Variants in HS3ST4 observed in about 807,000 individuals in gnomAD.
The protein encoded by HS3ST4 is heparan sulfate glucosamine 3-O-sulfotransferase 4.
A neutral mutation model predicts 29.2 loss-of-function variants in HS3ST4; 17 were observed. That is an observed-to-expected ratio of 0.58 (90% CI 0.40 to 0.87). HS3ST4 has a LOEUF of 0.87. HS3ST4 is among the 40% of genes least tolerant of loss of function. The probability of loss-of-function intolerance (pLI) is 0.00; values close to 1 mark genes in which losing one functional copy is unlikely to be tolerated. For synonymous variants in HS3ST4, 314 were observed against 285.7 expected (o/e 1.10, Z -1.00); for missense variants, 627 against 634.5 (o/e 0.99, Z 0.13).
intron 1 of HS3ST4, among the ~76,000 whole-genome samples, chr16:25,921,921 AT>A (rs1011742244): frequency 1.3e-3 from 190 of 151,726 alleles, no homozygotes; most frequent in African/African-American, 4.4e-3. Context: ...TGCCTGGCTA[AT>A]TTTTGTATTT....
At chr16:26,040,655 C>G (rs1323761996) in intron 1 of HS3ST4, among the ~76,000 whole-genome samples, 1 of 149,544 alleles carries the variant, frequency 6.7e-6, no homozygotes, top group Admixed American at 6.7e-5. Flanking sequence ...ACTGTGAACA[C>G]TTGTGGGGTG....
At chr16:26,111,012 G>A (rs75941632) in intron 1 of HS3ST4, among the ~76,000 whole-genome samples, 2,396 of 151,954 alleles carry the variant, frequency 0.016, 55 homozygotes, top group African/African-American at 0.052. Context: ...GTGTGCACGC[G>A]TTTGGGGTAC....
At chr16:25,987,846 C>T (rs1969078814) in intron 1 of HS3ST4, among the ~76,000 whole-genome samples, 1 of 152,170 alleles carries the variant, frequency 6.6e-6, no homozygotes, top group Non-Finnish European at 1.5e-5. Context: ...TCCCGGCTCA[C>T]TGCAACTTCT....
intron 1 of HS3ST4, among the ~76,000 whole-genome samples, chr16:25,757,592 AAT>A (rs1253832053): frequency 6.7e-6 from 1 of 148,766 alleles, no homozygotes; most frequent in African/African-American, 2.4e-5. Flanking sequence ...TATATTATAT[AAT>A]ATATATAATA....
At chr16:25,924,115 C>A (rs1477227149) in intron 1 of HS3ST4, among the ~76,000 whole-genome samples, 1 of 152,152 alleles carries the variant, frequency 6.6e-6, no homozygotes, top group East Asian at 1.9e-4. Flanking sequence ...CAACTGAGCC[C>A]ACTATCTGGC....
intron 1 of HS3ST4, among the ~76,000 whole-genome samples, chr16:25,753,509 C>G (rs1420557783): frequency 6.6e-6 from 1 of 151,638 alleles, no homozygotes; most frequent in African/African-American, 2.4e-5. Context: ...GCATGATTAT[C>G]TCATTTATTC....
chr16:25,784,370 A>G (rs752281578), intron 1 of HS3ST4, among the ~76,000 whole-genome samples: 1 of 152,198 alleles, frequency 6.6e-6, no homozygotes, highest in Non-Finnish European at 1.5e-5. Context: ...TCAGTGAGAA[A>G]CGCATGTCTG....
chr16:26,095,395 A>T (rs1898909725), intron 1 of HS3ST4, among the ~76,000 whole-genome samples: 1 of 152,214 alleles, frequency 6.6e-6, no homozygotes, highest in African/African-American at 2.4e-5. Context: ...ATGTAAAAGA[A>T]CAGAAATCAC....
intron 1 of HS3ST4, among the ~76,000 whole-genome samples, chr16:25,889,323 A>G (rs991500561): frequency 4.6e-5 from 7 of 152,180 alleles, no homozygotes; most frequent in Non-Finnish European, 8.8e-5. Flanking sequence ...CTGGAGAACA[A>G]GAAAGTCGGG....
intron 1 of HS3ST4, among the ~76,000 whole-genome samples, chr16:26,058,214 G>A (rs143468214): frequency 5.8e-4 from 89 of 152,300 alleles, no homozygotes; most frequent in Non-Finnish European, 1.1e-3. Context: ...CTCATCTGTT[G>A]GAGAAAGGGG....
intron 1 of HS3ST4, among the ~76,000 whole-genome samples, chr16:26,010,055 A>T (rs1969296613): frequency 2.0e-5 from 3 of 152,196 alleles, no homozygotes; most frequent in Admixed American, 2.0e-4. Flanking sequence ...GGCCAGGCCT[A>T]AGTCTAAGCA....
chr16:25,922,965 C>A (rs1174552902), intron 1 of HS3ST4, among the ~76,000 whole-genome samples: 1 of 152,162 alleles, frequency 6.6e-6, no homozygotes, highest in Non-Finnish European at 1.5e-5. Flanking sequence ...TCTGAAGGGC[C>A]TGTTGGAGCG....
intron 1 of HS3ST4, among the ~76,000 whole-genome samples, chr16:25,776,932 G>GT (rs59435994): frequency 4.9e-4 from 75 of 152,272 alleles, no homozygotes; most frequent in African/African-American, 1.7e-3. Context: ...AATACGTTCT[G>GT]TTTTTACTAA....
At chr16:26,095,122 T>C (rs4486894) in intron 1 of HS3ST4, among the ~76,000 whole-genome samples, 82,085 of 151,934 alleles carry the variant, frequency 0.54, 22,906 homozygotes, top group African/African-American at 0.67. Flanking sequence ...AAAACAAGTT[T>C]TTAGAGACCT....
At chr16:25,891,521 C>T (rs1968007644) in intron 1 of HS3ST4, among the ~76,000 whole-genome samples, 1 of 152,100 alleles carries the variant, frequency 6.6e-6, no homozygotes. Context: ...AGGTAGAACA[C>T]TTACATGTGG....
At chr16:25,883,505 T>C (rs1221132097) in intron 1 of HS3ST4, among the ~76,000 whole-genome samples, 1 of 152,166 alleles carries the variant, frequency 6.6e-6, no homozygotes, top group Non-Finnish European at 1.5e-5. Context: ...TTCTGTTTTG[T>C]AATAATCCCA....
intron 1 of HS3ST4, among the ~76,000 whole-genome samples, chr16:25,815,149 A>T (rs139703472): frequency 7.7e-4 from 117 of 152,280 alleles, no homozygotes; most frequent in Non-Finnish European, 1.4e-3. Context: ...GGCAAACAAG[A>T]AAGTTTATTC....
At chr16:26,085,642 G>A (rs751399739) in intron 1 of HS3ST4, among the ~76,000 whole-genome samples, 14 of 152,102 alleles carry the variant, frequency 9.2e-5, no homozygotes, top group East Asian at 1.9e-4. Context: ...AGGCCCAGGA[G>A]GGAGGATTTC....
chr16:25,896,719 A>G (rs1199417549), intron 1 of HS3ST4, among the ~76,000 whole-genome samples: 2 of 152,216 alleles, frequency 1.3e-5, no homozygotes, highest in Admixed American at 6.5e-5. Context: ...GCTACTCACA[A>G]TAGCAAAGAC....
Sources: allele counts gnomAD v4.1 joint callset (sites outside exome capture counted in the v4.1 genomes callset), GRCh38; gene constraint gnomAD v4.1.1; transcripts MANE v1.5; gene names NCBI Gene and HGNC (gene_info 2026-07-23, HGNC 2026-07-21).